The following SPAG16 variants were observed in gnomAD, a reference collection of about 807,000 sequenced individuals.
The protein encoded by SPAG16 is sperm-associated antigen 16 protein.
A neutral mutation model predicts 80.4 loss-of-function variants in SPAG16; 86 were observed. That is an observed-to-expected ratio of 1.07 (90% CI 0.90 to 1.28). The LOEUF is 1.28. Among genes scored for constraint, SPAG16 ranks in the 50% most tolerant of loss-of-function variants. SPAG16 has a pLI of 0.00. For missense variants in SPAG16, 870 were observed against 765.3 expected (o/e 1.14, Z -1.61); for synonymous variants, 294 against 265.9 (o/e 1.11, Z -1.03).
intron 15 of SPAG16, among the ~76,000 whole-genome samples, chr2:214,229,179 T>C (rs1277271231): frequency 7.1e-6 from 1 of 141,458 alleles, no homozygotes; most frequent in African/African-American, 2.9e-5. Context: ...ATAATTTCAC[T>C]ATAGAAGAAA....
At chr2:213,873,766 T>C (rs962651397) in intron 11 of SPAG16, among the ~76,000 whole-genome samples, 1 of 152,042 alleles carries the variant, frequency 6.6e-6, no homozygotes, top group Admixed American at 6.6e-5. Flanking sequence ...AAGTGTGCTG[T>C]TCCATTTCCA....
chr2:214,243,614 TCTAG>T (rs1294362612), intron 15 of SPAG16, among the ~76,000 whole-genome samples: 1 of 152,168 alleles, frequency 6.6e-6, no homozygotes, highest in African/African-American at 2.4e-5. Context: ...ACTACTAGTG[TCTAG>T]TTTAAGACTA....
intron 15 of SPAG16, among the ~76,000 whole-genome samples, chr2:214,221,283 T>TTTTTTGAATGATGTTTTC (rs1399824403): frequency 6.6e-6 from 1 of 152,184 alleles, no homozygotes; most frequent in Non-Finnish European, 1.5e-5. Flanking sequence ...AAATGTAGTT[T>TTTTTTGAATGATGTTTTC]TTTTTGAATG....
chr2:213,981,596 G>A (rs1380940680), intron 12 of SPAG16, among the ~76,000 whole-genome samples: 2 of 152,018 alleles, frequency 1.3e-5, no homozygotes, highest in Non-Finnish European at 2.9e-5. Context: ...AATAGCAATG[G>A]AAGAAAATGA....
chr2:213,678,183 A>C (rs2064192305), intron 10 of SPAG16, among the ~76,000 whole-genome samples: 1 of 152,200 alleles, frequency 6.6e-6, no homozygotes, highest in Non-Finnish European at 1.5e-5. Context: ...TGCAAAATTG[A>C]CACCCTAACA....
intron 10 of SPAG16, among the ~76,000 whole-genome samples, chr2:213,614,069 A>G (rs2061519647): frequency 6.6e-6 from 1 of 152,188 alleles, no homozygotes; most frequent in Admixed American, 6.5e-5. Flanking sequence ...GAACATTTTG[A>G]ATTGAGGGTA....
rs2058508263 is a variant in SPAG16, at chr2:214,219,413, C to T, written c.1720+70147C>T. 2.6e-5 allele frequency among the ~76,000 whole-genome samples: 4 copies of T among 151,952 alleles called. No individual in the cohort carries two copies. The South Asian group carries it at 8.3e-4, about 32-fold the overall frequency. ...AACTTATCAAATAGAATAGAAACAA[C>T]TTATCAAATAGAATTATTTACTTAT... On this transcript the variant is annotated intron_variant, in intron 15 of 15. Coordinates refer to ENST00000331683, the MANE Select transcript of SPAG16 (RefSeq NM_024532.5).
At chr2:213,572,971 G>A (rs945433918) in intron 10 of SPAG16, among the ~76,000 whole-genome samples, 4 of 152,182 alleles carry the variant, frequency 2.6e-5, no homozygotes, top group Non-Finnish European at 4.4e-5. Context: ...TCTGAAAAGC[G>A]CAATATTCGG....
chr2:213,630,665 A>G (rs113098258), intron 10 of SPAG16, among the ~76,000 whole-genome samples: 3,114 of 152,312 alleles, frequency 0.02, 45 homozygotes, highest in Middle Eastern at 0.051. Context: ...AAACATAGAT[A>G]GAAGTAAAAG....
Position 213,803,090 on chromosome 2 carries a change from G to T in SPAG16, c.1071-59395G>T, listed in dbSNP as rs1426315692. Reference sequence around the variant, plus strand: ...TATCTTTATAATATCTGTGTGAGTAGAAATAAGTGAATAACAGAAAATTTG... The same window carrying T: ...TATCTTTATAATATCTGTGTGAGTATAAATAAGTGAATAACAGAAAATTTG... On this transcript the variant is annotated intron_variant, in intron 10 of 15. Transcript: ENST00000331683. 2.0e-5 allele frequency among the ~76,000 whole-genome samples: 3 copies of T among 151,992 alleles called. No homozygotes were observed. In the East Asian group the frequency reaches 5.8e-4, roughly 29 times the overall value.
intron 5 of SPAG16, among the ~76,000 whole-genome samples, chr2:213,333,782 G>A (rs2064213746): frequency 6.6e-6 from 1 of 152,138 alleles, no homozygotes; most frequent in Non-Finnish European, 1.5e-5. Flanking sequence ...ATGGTGCTGG[G>A]AAAACTGGAT....
chr2:213,534,176 A>T (rs1355542562), intron 10 of SPAG16, among the ~76,000 whole-genome samples: 1 of 151,908 alleles, frequency 6.6e-6, no homozygotes, highest in Admixed American at 6.6e-5. Flanking sequence ...TTTATAAGTC[A>T]TTTTTTCTAC....
At chr2:213,955,703 T>G (rs2044083293) in intron 12 of SPAG16, among the ~76,000 whole-genome samples, 1 of 152,134 alleles carries the variant, frequency 6.6e-6, no homozygotes, top group Non-Finnish European at 1.5e-5. Context: ...GATGTTCTAT[T>G]TCATGATTAA....
intron 11 of SPAG16, among the ~76,000 whole-genome samples, chr2:213,918,863 A>G (rs1013762628): frequency 6.6e-6 from 1 of 151,544 alleles, no homozygotes; most frequent in African/African-American, 2.4e-5. Context: ...CAGTCTTGGG[A>G]GGGTGTATGT....
At chr2:213,376,238 A>G (rs1051216192) in intron 9 of SPAG16, among the ~76,000 whole-genome samples, 32 of 151,902 alleles carry the variant, frequency 2.1e-4, no homozygotes, top group Non-Finnish European at 4.6e-4. Context: ...TTCTAACGGT[A>G]TAAGTATTGT....
intron 10 of SPAG16, among the ~76,000 whole-genome samples, chr2:213,571,877 A>G (rs1411974725): frequency 2.0e-4 from 28 of 136,614 alleles, no homozygotes; most frequent in Non-Finnish European, 1.7e-4. Context: ...AGGTACACCA[A>G]TCAGACATAG....
chr2:213,535,420 G>C (rs2076209437), intron 10 of SPAG16, among the ~76,000 whole-genome samples: 1 of 152,100 alleles, frequency 6.6e-6, no homozygotes, highest in Admixed American at 6.6e-5. Context: ...TCAACTTCTA[G>C]AGACGGAAAT....
At chr2:213,287,217 A>T (rs1038997045) in intron 1 of SPAG16, among the ~76,000 whole-genome samples, 9 of 152,254 alleles carry the variant, frequency 5.9e-5, no homozygotes, top group Admixed American at 1.3e-4. Flanking sequence ...TGTGATAGAT[A>T]TGTAAAGGGT....
intron 12 of SPAG16, among the ~76,000 whole-genome samples, chr2:213,953,965 A>G (rs1291907305): frequency 6.6e-6 from 1 of 152,072 alleles, no homozygotes; most frequent in East Asian, 1.9e-4. Flanking sequence ...AGCCCATGCA[A>G]TGGATATAGA....
Sources: gnomAD v4.1 joint callset for allele counts (sites outside exome capture counted in the v4.1 genomes callset) on GRCh38, gnomAD v4.1.1 for gene constraint, MANE v1.5 for transcripts, NCBI Gene and HGNC (gene_info 2026-07-23, HGNC 2026-07-21) for gene names.